Variants in SERPINE2 observed in about 807,000 individuals in gnomAD.
SERPINE2 encodes the protein glia-derived nexin.
Under a neutral mutation model 36.3 loss-of-function variants are expected in SERPINE2, and 14 were observed. The observed-to-expected ratio is 0.39, with a 90% CI of 0.25 to 0.60. The LOEUF (loss-of-function observed/expected upper bound fraction) is 0.60, where lower values mean the gene tolerates loss of function less well. Among genes scored for constraint, SERPINE2 ranks in the 20% least tolerant of loss-of-function variants. The probability of loss-of-function intolerance (pLI) is 0.57; values close to 1 mark genes in which losing one functional copy is unlikely to be tolerated. For synonymous variants in SERPINE2, 192 were observed against 191.8 expected (o/e 1.00, Z -0.01); for missense variants, 418 against 499.6 (o/e 0.84, Z 1.56).
chr2:223,994,187 A>G (rs1165000081), intron 3 of SERPINE2, among the ~76,000 whole-genome samples: 2 of 152,048 alleles, frequency 1.3e-5, no homozygotes, highest in African/African-American at 4.8e-5. Flanking sequence ...AGCCAATTTT[A>G]ATGTGTCTGT....
chr2:223,988,347 T>C (rs1690520735), intron 4 of SERPINE2, among the ~76,000 whole-genome samples: 1 of 152,086 alleles, frequency 6.6e-6, no homozygotes, highest in African/African-American at 2.4e-5. Flanking sequence ...TTTTAAACAT[T>C]TTTTTGTAGA....
intron 4 of SERPINE2, among the ~76,000 whole-genome samples, chr2:223,990,963 G>A (rs1397009020): frequency 6.6e-6 from 1 of 152,172 alleles, no homozygotes; most frequent in Non-Finnish European, 1.5e-5. Flanking sequence ...GGGTAACACA[G>A]TGAGACTCTA....
chr2:224,018,866 C>A (rs974317249), intron 1 of SERPINE2, among the ~76,000 whole-genome samples: 4 of 152,240 alleles, frequency 2.6e-5, no homozygotes, highest in Admixed American at 1.3e-4. Context: ...TCAAGCTCCT[C>A]TATCCCCAGC....
chr2:223,982,857 C>T (rs1028518881), intron 5 of SERPINE2, 76 bp from the exon 6 acceptor site: 4 of 1,000,932 alleles, frequency 4.0e-6, no homozygotes, highest in Admixed American at 2.4e-5. Flanking sequence ...TGCATGTTTA[C>T]AAACTGATTC....
intron 1 of SERPINE2, among the ~76,000 whole-genome samples, chr2:224,028,867 C>T (rs78187109): frequency 0.022 from 3,326 of 152,252 alleles, 105 homozygotes; most frequent in African/African-American, 0.07. Flanking sequence ...AGAAAACACA[C>T]GCAGAACCAG....
intron 1 of SERPINE2, among the ~76,000 whole-genome samples, chr2:224,025,600 C>T (rs932034579): frequency 3.7e-4 from 57 of 152,238 alleles, no homozygotes; most frequent in African/African-American, 1.4e-3. Context: ...TGTCCACCTT[C>T]CATGAAGCAA....
intron 1 of SERPINE2, among the ~76,000 whole-genome samples, chr2:224,032,767 C>T (rs1692421432): frequency 6.6e-6 from 1 of 152,126 alleles, no homozygotes; most frequent in Non-Finnish European, 1.5e-5. Flanking sequence ...GGGTGTCCAC[C>T]CCAACCTTTG....
At chr2:224,027,175 G>C (rs1004187993) in intron 1 of SERPINE2, among the ~76,000 whole-genome samples, 2 of 152,140 alleles carry the variant, frequency 1.3e-5, no homozygotes, top group Non-Finnish European at 2.9e-5. Flanking sequence ...CTTGGCATTA[G>C]CACTACTGAG....
At chr2:224,029,354 A>C (rs1220559252) in intron 1 of SERPINE2, among the ~76,000 whole-genome samples, 1 of 145,908 alleles carries the variant, frequency 6.9e-6, no homozygotes, top group African/African-American at 2.5e-5. Flanking sequence ...TATGAAGTCC[A>C]AAGTGGATAA....
At chr2:223,992,700 G>C (rs1690723824) in intron 3 of SERPINE2, among the ~76,000 whole-genome samples, 1 of 152,194 alleles carries the variant, frequency 6.6e-6, no homozygotes, top group South Asian at 2.1e-4. Flanking sequence ...AAAGAAATGA[G>C]AAACGTTTGA....
intron 1 of SERPINE2, 68 bp from the exon 2 acceptor site, chr2:224,001,990 T>TC (rs1691194597): frequency 5.1e-6 from 6 of 1,180,946 alleles, no homozygotes; most frequent in African/African-American, 2.2e-5. Context: ...TTTTTTTTTT[T>TC]CCCCCAGATA....
chr2:224,018,067 C>T (rs907396342), intron 1 of SERPINE2, among the ~76,000 whole-genome samples: 2 of 152,172 alleles, frequency 1.3e-5, no homozygotes, highest in African/African-American at 2.4e-5. Context: ...GGTCACAGGT[C>T]CTCAGGGAAG....
Position 223,991,932 on chromosome 2 carries a change from C to T in SERPINE2, c.556G>A (p.Ala186Thr), listed in dbSNP as rs1048080122. The T allele has an allele frequency of 6.2e-7, 1 of 1,613,136 alleles. No homozygotes were observed. Among genetic ancestry groups the T allele is most frequent in the African/African-American group, 1.3e-5 (1 of 74,992 alleles). ...TTCCACAGACCCTTGAAATACACTG[C>T]GTTGACGAGGACCAGTCTGGTGAGC... ...GVLTRLVLVNAVYFKGLWKSR... is the reference protein window; with the variant it reads ...GVLTRLVLVNTVYFKGLWKSR... Residue 186 changes from alanine (A) to threonine (T), a missense_variant, in exon 4 of 9, where the codon GCA (alanine) becomes ACA (threonine). Coordinates refer to ENST00000409304, the MANE Select transcript of SERPINE2 (RefSeq NM_001136528.2).
chr2:223,998,302 G>A lies in SERPINE2; in HGVS notation c.300C>T (p.Val100=), dbSNP rs749851689. The stretch of plus-strand genomic sequence containing the variant: ...TCACAATGTCTTTATTCTTCTTGGA[G>A]ACGATGGCCTTGTTGATCTTCTTTA... ...KILKKINKAI[V]SKKNKDIVTV... Residue 100 remains valine, a synonymous_variant, in exon 3 of 9, where the codon GTC becomes GTT. Transcript: ENST00000409304. 1 of 1,614,088 alleles carries A rather than the reference G, an allele frequency of 6.2e-7. No individual in the cohort carries two copies. Among genetic ancestry groups the A allele is most frequent in the Non-Finnish European group, 8.5e-7 (1 of 1,179,936 alleles).
At chr2:224,038,546 A>T (rs1191351376) in intron 1 of SERPINE2, 1 of 1,548,280 alleles carries the variant, frequency 6.5e-7, no homozygotes, top group Non-Finnish European at 8.7e-7. Context: ...AAAATAGCAA[A>T]GACCTGCTCG....
chr2:224,008,296 T>A (rs1292090658), intron 1 of SERPINE2, among the ~76,000 whole-genome samples: 1 of 152,200 alleles, frequency 6.6e-6, no homozygotes, highest in East Asian at 1.9e-4. Flanking sequence ...CTAACTTTCC[T>A]CCCTCACTTA....
chr2:224,030,118 A>C (rs1229993217), intron 1 of SERPINE2: 1 of 985,360 alleles, frequency 1.0e-6, no homozygotes, highest in Non-Finnish European at 1.2e-6. Flanking sequence ...TGCTGTTTAC[A>C]TCTCACAAAT....
chr2:224,001,652 G>A lies in SERPINE2; in HGVS notation c.249C>T (p.Tyr83=), dbSNP rs567117261. Residue 83 remains tyrosine, a synonymous_variant, in exon 2 of 9, where the codon TAC becomes TAT. Transcript: ENST00000409304. ...ATTGTGCACACGCACCATTTACGCC[G>A]TATCTCATCACCATGGCGAGCTGCT... ...TKKQLAMVMR[Y]GVNGVGKILK... 46 of 1,613,610 alleles carry A rather than the reference G, an allele frequency of 2.9e-5. No individual in the cohort carries two copies. The highest frequency in any genetic ancestry group is 1.8e-4 in the Admixed American group (11 of 60,028).
In SERPINE2 at chr2:224,000,964, C is replaced by T. The variant is rs185065853; in HGVS notation, c.259+678G>A. ...CATTCGGGTTGGTTCCAAGTCTTTG[C>T]TTAGCTTTATATTTTGAAATAATTA... On this transcript the variant is annotated intron_variant, in intron 2 of 8. Coordinates refer to ENST00000409304, the MANE Select transcript of SERPINE2 (RefSeq NM_001136528.2). Among the ~76,000 whole-genome samples, 8 of 152,188 alleles carry T rather than the reference C, an allele frequency of 5.3e-5. No homozygotes were observed. In the East Asian group the frequency reaches 1.4e-3, roughly 26 times the overall value.
Sources: allele counts gnomAD v4.1 joint callset (sites outside exome capture counted in the v4.1 genomes callset), GRCh38; gene constraint gnomAD v4.1.1; transcripts MANE v1.5; gene names NCBI Gene and HGNC (gene_info 2026-07-23, HGNC 2026-07-21).